Variants in CFAP58 observed in about 807,000 individuals in gnomAD.
CFAP58 encodes the protein cilia- and flagella-associated protein 58.
Under a neutral mutation model 119.5 loss-of-function variants are expected in CFAP58, and 88 were observed. The observed-to-expected ratio is 0.74, with a 90% CI of 0.62 to 0.88. The LOEUF is 0.88. Ranked by LOEUF, CFAP58 falls within the 40% of genes least tolerant of loss-of-function variation. The pLI, the probability that CFAP58 is intolerant of heterozygous loss-of-function variation, is 0.00. For synonymous variants in CFAP58, 365 were observed against 366.3 expected, an observed-to-expected ratio of 1.00 and a Z score of 0.04; for missense variants, 990 against 1,021.2, an observed-to-expected ratio of 0.97 and a Z score of 0.42.
chr10:104,368,352 C>T (rs2014778759), intron 5 of CFAP58, 71 bp from the exon 6 acceptor site: 5 of 1,496,514 alleles, frequency 3.3e-6, no homozygotes, highest in Admixed American at 3.9e-5. Flanking sequence ...GTTTGTGGGG[C>T]CCCCTGTGTG....
At chr10:104,421,235 T>C (rs1239388697) in intron 15 of CFAP58, among the ~76,000 whole-genome samples, 1 of 152,218 alleles carries the variant, frequency 6.6e-6, no homozygotes, top group Admixed American at 6.5e-5. Flanking sequence ...CTTCTACACC[T>C]ATGACAAGAA....
intron 15 of CFAP58, among the ~76,000 whole-genome samples, chr10:104,421,259 C>A (rs1359238240): frequency 1.3e-5 from 2 of 152,164 alleles, no homozygotes; most frequent in Non-Finnish European, 2.9e-5. Flanking sequence ...AATTTCTGTC[C>A]AACTTTCCAC....
intron 11 of CFAP58, among the ~76,000 whole-genome samples, chr10:104,399,088 A>G (rs146726602): frequency 8.1e-4 from 123 of 152,288 alleles, no homozygotes; most frequent in Non-Finnish European, 1.5e-3. Context: ...CCCCTGCTAC[A>G]CATATATAGA....
the CFAP58 span, among the ~76,000 whole-genome samples, chr10:104,345,094 C>T: frequency 6.6e-6 from 1 of 151,942 alleles, no homozygotes; most frequent in African/African-American, 2.4e-5. Flanking sequence ...TTACAGTGAT[C>T]CGAGATTGTG....
chr10:104,350,144 A>C (rs1426984682), upstream of CFAP58, among the ~76,000 whole-genome samples: 3 of 152,152 alleles, frequency 2.0e-5, no homozygotes, highest in African/African-American at 7.2e-5. Context: ...CTCAAGGGAG[A>C]AGATCGTGTC....
At chr10:104,370,263 C>T (rs1439153271) in intron 6 of CFAP58, among the ~76,000 whole-genome samples, 1 of 152,206 alleles carries the variant, frequency 6.6e-6, no homozygotes, top group Non-Finnish European at 1.5e-5. Flanking sequence ...TTATTTGATT[C>T]TACAGTTAGA....
At chr10:104,371,110 A>G in intron 7 of CFAP58, 56 bp downstream of exon 7, 1 of 1,512,098 alleles carries the variant, frequency 6.6e-7, no homozygotes, top group Non-Finnish European at 9.0e-7. Flanking sequence ...GACTGATGTT[A>G]TCTTGTAACC....
At chr10:104,426,504 A>C (rs1021352546) in intron 15 of CFAP58, among the ~76,000 whole-genome samples, 1 of 151,378 alleles carries the variant, frequency 6.6e-6, no homozygotes, top group African/African-American at 2.4e-5. Flanking sequence ...GGACCTTAAG[A>C]CTGTTTAAAC....
intron 15 of CFAP58, among the ~76,000 whole-genome samples, chr10:104,416,235 C>T (rs1225202621): frequency 2.0e-5 from 3 of 152,204 alleles, no homozygotes; most frequent in Non-Finnish European, 4.4e-5. Flanking sequence ...AGCACACTAC[C>T]TAATGAACAG....
At chr10:104,391,334 C>A (rs935977089) in intron 9 of CFAP58, among the ~76,000 whole-genome samples, 3 of 152,156 alleles carry the variant, frequency 2.0e-5, no homozygotes, top group Non-Finnish European at 4.4e-5. Flanking sequence ...CATGCTCTGT[C>A]ACATTGCTCT....
intron 15 of CFAP58, among the ~76,000 whole-genome samples, chr10:104,420,183 C>T (rs1236351797): frequency 2.0e-5 from 3 of 150,784 alleles, no homozygotes; most frequent in Non-Finnish European, 4.4e-5. Context: ...AGTTTCTCAA[C>T]GTGTGTCCTT....
chr10:104,418,980 C>T (rs572718757), intron 15 of CFAP58, among the ~76,000 whole-genome samples: 4 of 152,028 alleles, frequency 2.6e-5, no homozygotes, highest in Admixed American at 1.3e-4. Context: ...GAATGAGATG[C>T]GAGGGGGAAA....
rs79634966 is a variant in CFAP58 at position 104,396,770 on chromosome 10, C to T, written c.1675-2590C>T. On this transcript the variant is annotated intron_variant, in intron 11 of 17. Coordinates refer to ENST00000369704, the MANE Select transcript of CFAP58 (RefSeq NM_001008723.2). ...GGATAGGTGCAGAAACCTCAGGTCCCACCTAGGGCGTTGCTTGATGAGCTT... is the reference window on the plus strand; with the variant it reads ...GGATAGGTGCAGAAACCTCAGGTCCTACCTAGGGCGTTGCTTGATGAGCTT... Among the ~76,000 whole-genome samples the T allele has an allele frequency of 6.3e-3, 961 of 152,316 alleles. 12 individuals are homozygous for T. Among genetic ancestry groups the T allele is most frequent in the African/African-American group, 0.022 (913 of 41,570 alleles).
At chr10:104,357,458 C>A (rs1052156278) in intron 1 of CFAP58, among the ~76,000 whole-genome samples, 1 of 152,142 alleles carries the variant, frequency 6.6e-6, no homozygotes, top group African/African-American at 2.4e-5. Context: ...ATGCCAAGAT[C>A]TTCCTATGTC....
At chr10:104,394,434 T>C (rs1436286625) in intron 11 of CFAP58, among the ~76,000 whole-genome samples, 2 of 152,210 alleles carry the variant, frequency 1.3e-5, no homozygotes, top group African/African-American at 2.4e-5. Context: ...CTTTCAAAGA[T>C]AGTCACTGTC....
At chr10:104,372,981 A>G (rs2014844049) in intron 7 of CFAP58, among the ~76,000 whole-genome samples, 1 of 152,218 alleles carries the variant, frequency 6.6e-6, no homozygotes. Flanking sequence ...GAAACCAAGA[A>G]ATAAACTGAA....
At chr10:104,445,631 C>T (rs1454528335) in intron 15 of CFAP58, among the ~76,000 whole-genome samples, 1 of 152,102 alleles carries the variant, frequency 6.6e-6, no homozygotes, top group East Asian at 1.9e-4. Flanking sequence ...CTCAATTTTG[C>T]CCAAATATTT....
chr10:104,372,400 C>G (rs1472896569), intron 7 of CFAP58, among the ~76,000 whole-genome samples: 1 of 152,032 alleles, frequency 6.6e-6, no homozygotes, highest in African/African-American at 2.4e-5. Flanking sequence ...ATATTTGTCA[C>G]TTAGGTCTTT....
chr10:104,448,402 G>A (rs557294740), intron 16 of CFAP58, among the ~76,000 whole-genome samples: 1 of 152,216 alleles, frequency 6.6e-6, no homozygotes, highest in Admixed American at 6.5e-5. Flanking sequence ...GAGATATGGA[G>A]TGTTTTACTT....
Sources: gnomAD v4.1 joint callset for allele counts (sites outside exome capture counted in the v4.1 genomes callset) on GRCh38, gnomAD v4.1.1 for gene constraint, MANE v1.5 for transcripts, NCBI Gene and HGNC (gene_info 2026-07-23, HGNC 2026-07-21) for gene names.